Variants in MEMO1 observed in about 807,000 individuals in gnomAD.
MEMO1 encodes the protein protein MEMO1.
A neutral mutation model predicts 45.2 loss-of-function variants in MEMO1; 6 were observed. The observed-to-expected ratio is 0.13, with a 90% CI of 0.07 to 0.26. The LOEUF is 0.26. Among genes scored for constraint, MEMO1 ranks in the 10% least tolerant of loss-of-function variants. MEMO1 has a pLI of 1.00. For synonymous variants in MEMO1, 78 were observed against 124.3 expected, an observed-to-expected ratio of 0.63 and a Z score of 2.48; for missense variants, 184 against 370.5, an observed-to-expected ratio of 0.50 and a Z score of 4.13.
chr2:31,929,928 T>C (rs1683695691), intron 4 of MEMO1, among the ~76,000 whole-genome samples: 1 of 152,246 alleles, frequency 6.6e-6, no homozygotes, highest in African/African-American at 2.4e-5. Flanking sequence ...TAAAATTTAT[T>C]CATTCAGAAT....
rs1411738040 is a variant in MEMO1 at position 31,923,797 on chromosome 2, A to G, written c.213-2887T>C. The G allele has an allele frequency of 4.7e-6, 7 of 1,486,566 alleles. No individual in the cohort carries two copies. The East Asian group carries it at 1.5e-4, about 33-fold the overall frequency. The allele number at this position is 1,486,566 out of a possible 1,614,324, so 92.1% of individuals were successfully genotyped here. ...ATAACAATCTAAATTCAAGGCATAC[A>G]TAAATTTCCTAAGTAAGTGTAATAA... On this transcript the variant is annotated intron_variant, in intron 4 of 9. Coordinates refer to ENST00000404530, the MANE Select transcript of MEMO1 (RefSeq NM_001301833.4).
chr2:31,876,087 G>T (rs1328693917), intron 8 of MEMO1, among the ~76,000 whole-genome samples: 2 of 151,978 alleles, frequency 1.3e-5, no homozygotes, highest in East Asian at 3.9e-4. Context: ...ACTTCCTATT[G>T]TACTTATATA....
At chr2:31,933,351 T>TAAAAAA (rs869274123) in intron 3 of MEMO1, among the ~76,000 whole-genome samples, 9 of 45,090 alleles carry the variant, frequency 2.0e-4, no homozygotes, top group Non-Finnish European at 3.0e-4. Flanking sequence ...AAAAAAAAAT[T>TAAAAAA]TATATATATA....
intron 3 of MEMO1, among the ~76,000 whole-genome samples, chr2:31,938,590 G>T (rs1431771217): frequency 6.6e-6 from 1 of 151,946 alleles, no homozygotes; most frequent in Admixed American, 6.6e-5. Flanking sequence ...GGAGCTTGCA[G>T]TGAGCTGAGA....
chr2:31,907,757 TACTCCA>T (rs1679974272), intron 6 of MEMO1, among the ~76,000 whole-genome samples: 1 of 150,824 alleles, frequency 6.6e-6, no homozygotes, highest in African/African-American at 2.4e-5. Context: ...CACATCACTG[TACTCCA>T]GCAGGAGCAA....
intron 7 of MEMO1, among the ~76,000 whole-genome samples, chr2:31,886,901 C>A (rs1676267643): frequency 6.6e-6 from 1 of 152,178 alleles, no homozygotes; most frequent in Admixed American, 6.5e-5. Context: ...CCCCTAGGGG[C>A]AGCACAAGCT....
Position 31,974,686 on chromosome 2 carries a change from C to T in MEMO1, c.62-31303G>A, listed in dbSNP as rs1237591987. On this transcript the variant is annotated intron_variant, in intron 2 of 9. Transcript: ENST00000404530. ...CTTGAACCCAGGGGGGCCAGGGTTG[C>T]GGGGAGGCACAGAGGTTGCAGTGAG... Among the ~76,000 whole-genome samples, 4 of 151,010 alleles carry T rather than the reference C, an allele frequency of 2.6e-5. No individual in the cohort carries two copies. The East Asian group carries it at 5.9e-4, about 22-fold the overall frequency.
At chr2:31,873,273 T>C (rs996884917) in intron 8 of MEMO1, among the ~76,000 whole-genome samples, 1 of 152,106 alleles carries the variant, frequency 6.6e-6, no homozygotes, top group Non-Finnish European at 1.5e-5. Context: ...CGCTAAGATA[T>C]AAGGCAGACA....
At position 31,923,728 on chromosome 2, in the gene MEMO1, G is replaced by C. The variant is rs763362533; in HGVS notation, c.213-2818C>G. The C allele has an allele frequency of 3.3e-6, 5 of 1,537,638 alleles. No individual in the cohort carries two copies. The African/African-American group carries it at 6.9e-5, about 21-fold the overall frequency. ...GGATATTTAACATCAGAGCACTCCT[G>C]GAAAATCTGAAACACACAGTCAAAA... On this transcript the variant is annotated intron_variant, in intron 4 of 9. Transcript: ENST00000404530.
intron 2 of MEMO1, among the ~76,000 whole-genome samples, chr2:31,993,508 C>T (rs1375108444): frequency 2.0e-5 from 3 of 152,106 alleles, no homozygotes; most frequent in Non-Finnish European, 4.4e-5. Flanking sequence ...CTAAAATTTG[C>T]CATACTGAAG....
chr2:31,893,361 C>A, intron 6 of MEMO1: 1 of 1,139,042 alleles, frequency 8.8e-7, no homozygotes. Context: ...GCAGAGGAAG[C>A]TGCCACAGGA....
intron 6 of MEMO1, among the ~76,000 whole-genome samples, chr2:31,895,867 CG>C (rs1558483877): frequency 9.5e-6 from 1 of 105,112 alleles, no homozygotes; most frequent in Non-Finnish European, 1.8e-5. Context: ...TTTTTTGAGA[CG>C]GAGTCTCGCT....
intron 5 of MEMO1, among the ~76,000 whole-genome samples, chr2:31,918,318 T>C (rs1156737502): frequency 6.6e-6 from 1 of 152,150 alleles, no homozygotes; most frequent in East Asian, 1.9e-4. Context: ...TACATAGTTA[T>C]ATAAAAAATG....
chr2:31,900,672 A>T (rs1678651190), intron 6 of MEMO1, among the ~76,000 whole-genome samples: 1 of 152,102 alleles, frequency 6.6e-6, no homozygotes, highest in Non-Finnish European at 1.5e-5. Context: ...CAGAACTTAA[A>T]GTACAATAAT....
intron 4 of MEMO1, among the ~76,000 whole-genome samples, chr2:31,931,391 T>C (rs972668043): frequency 3.3e-5 from 5 of 152,182 alleles, no homozygotes; most frequent in African/African-American, 1.2e-4. Flanking sequence ...CCTATTCACA[T>C]AGCTTGTACA....
chr2:31,872,988 T>C (rs1674013215), intron 8 of MEMO1, among the ~76,000 whole-genome samples: 1 of 152,198 alleles, frequency 6.6e-6, no homozygotes, highest in African/African-American at 2.4e-5. Flanking sequence ...GTTTTTATGT[T>C]AACAGCTATG....
intron 6 of MEMO1, among the ~76,000 whole-genome samples, chr2:31,902,932 C>G (rs911056246): frequency 2.6e-5 from 4 of 151,738 alleles, no homozygotes; most frequent in Admixed American, 6.6e-5. Flanking sequence ...AATTCTAATT[C>G]TAACATAAAA....
intron 6 of MEMO1, among the ~76,000 whole-genome samples, chr2:31,910,505 G>A (rs553233956): frequency 1.3e-5 from 2 of 152,320 alleles, no homozygotes; most frequent in East Asian, 3.9e-4. Flanking sequence ...AGGGACAGGA[G>A]GGAGAAATTA....
chr2:31,930,376 C>T (rs1683762303), intron 4 of MEMO1, among the ~76,000 whole-genome samples: 1 of 152,160 alleles, frequency 6.6e-6, no homozygotes, highest in African/African-American at 2.4e-5. Flanking sequence ...GGCGCTCTTC[C>T]ATTTTTTCCT....
Sources: allele counts gnomAD v4.1 joint callset (sites outside exome capture counted in the v4.1 genomes callset), GRCh38; gene constraint gnomAD v4.1.1; transcripts MANE v1.5; gene names NCBI Gene and HGNC (gene_info 2026-07-23, HGNC 2026-07-21).